Variants in UBE2K observed in about 807,000 individuals in gnomAD.
UBE2K encodes the protein ubiquitin-conjugating enzyme E2 K.
A neutral mutation model predicts 30.0 loss-of-function variants in UBE2K; 6 were observed. The ratio of observed to expected loss-of-function variants is 0.20; its 90% CI spans 0.11 to 0.39. UBE2K has a LOEUF of 0.39. UBE2K is among the 10% of genes least tolerant of loss of function. UBE2K has a pLI of 1.00. For synonymous variants in UBE2K, 86 were observed against 83.7 expected (o/e 1.03, Z -0.15); for missense variants, 61 against 241.6 (o/e 0.25, Z 4.96).
chr4:39,728,836 T>TG (rs760312366), intron 1 of UBE2K, among the ~76,000 whole-genome samples: 4 of 150,214 alleles, frequency 2.7e-5, no homozygotes, highest in African/African-American at 9.7e-5. Context: ...TGTTTTTTTT[T>TG]TTTTGTATTT....
chr4:39,770,044 C>T (rs182855315), intron 4 of UBE2K: 2 of 1,499,504 alleles, frequency 1.3e-6, no homozygotes, highest in Non-Finnish European at 8.9e-7. Flanking sequence ...CCACCTAGCC[C>T]AGGGACCCCA....
chr4:39,771,239 T>A, intron 4 of UBE2K: 2 of 1,612,126 alleles, frequency 1.2e-6, no homozygotes, highest in Non-Finnish European at 8.5e-7. Flanking sequence ...AGCTCCGAGC[T>A]GGGGTTAAGC....
At chr4:39,736,329 G>A (rs1720378446) in intron 1 of UBE2K, among the ~76,000 whole-genome samples, 1 of 152,190 alleles carries the variant, frequency 6.6e-6, no homozygotes. Context: ...GAGCATGGTA[G>A]TGGGTGCCTG....
At chr4:39,734,981 CT>C (rs1179375005) in intron 1 of UBE2K, among the ~76,000 whole-genome samples, 1 of 152,290 alleles carries the variant, frequency 6.6e-6, no homozygotes, top group Admixed American at 6.5e-5. Flanking sequence ...CTTTAGTATC[CT>C]ATCATCTTTG....
intron 1 of UBE2K, among the ~76,000 whole-genome samples, chr4:39,716,345 T>A (rs7656037): frequency 0.51 from 77,102 of 151,998 alleles, 20,383 homozygotes; most frequent in East Asian, 0.63. Context: ...CCTGTTGGGC[T>A]TAAGTGATCC....
chr4:39,757,006 T>TTTTG (rs1721555409), intron 4 of UBE2K, among the ~76,000 whole-genome samples: 5 of 115,628 alleles, frequency 4.3e-5, no homozygotes, highest in Admixed American at 1.0e-4. Context: ...GGGTGTTTTT[T>TTTTG]TTTTGTTTTT....
At chr4:39,731,088 C>T (rs1307974825) in intron 1 of UBE2K, among the ~76,000 whole-genome samples, 1 of 152,032 alleles carries the variant, frequency 6.6e-6, no homozygotes, top group Non-Finnish European at 1.5e-5. Context: ...CGGGTTCAAG[C>T]GATTCTCCTG....
At chr4:39,735,119 T>TAA (rs1275686815) in intron 1 of UBE2K, among the ~76,000 whole-genome samples, 1 of 152,258 alleles carries the variant, frequency 6.6e-6, no homozygotes, top group Non-Finnish European at 1.5e-5. Context: ...AAGTGTAAGT[T>TAA]AACACTGGCT....
At chr4:39,710,634 C>G (rs971000937) in intron 1 of UBE2K, among the ~76,000 whole-genome samples, 6 of 152,154 alleles carry the variant, frequency 3.9e-5, no homozygotes, top group African/African-American at 1.2e-4. Flanking sequence ...ACAGATCCAA[C>G]AGTTGCAGCT....
At chr4:39,750,029 T>C (rs1201260189) in intron 3 of UBE2K, among the ~76,000 whole-genome samples, 3 of 152,040 alleles carry the variant, frequency 2.0e-5, no homozygotes, top group Non-Finnish European at 2.9e-5. Context: ...TGAAACCCCA[T>C]CTCTACTAAA....
At chr4:39,765,694 C>T (rs1220914060) in intron 4 of UBE2K, among the ~76,000 whole-genome samples, 1 of 151,732 alleles carries the variant, frequency 6.6e-6, no homozygotes, top group Non-Finnish European at 1.5e-5. Context: ...TGGTAGCATG[C>T]GACTGTAGTC....
intron 3 of UBE2K, 77 bp from the exon 4 acceptor site, chr4:39,755,580 G>T (rs1721485096): frequency 1.8e-6 from 2 of 1,114,380 alleles, no homozygotes; most frequent in Admixed American, 4.4e-5. Flanking sequence ...TTAGTTTGAA[G>T]ATTTCATTTT....
chr4:39,729,454 G>A (rs530404565), intron 1 of UBE2K, among the ~76,000 whole-genome samples: 3 of 151,944 alleles, frequency 2.0e-5, no homozygotes, highest in African/African-American at 7.2e-5. Context: ...TTATTATACT[G>A]TCATCCACCC....
chr4:39,754,663 C>T (rs1330948156), intron 3 of UBE2K, among the ~76,000 whole-genome samples: 1 of 152,090 alleles, frequency 6.6e-6, no homozygotes. Context: ...TGTGTGCCAC[C>T]ATGCCCAGCT....
At chr4:39,711,891 A>G (rs984829919) in intron 1 of UBE2K, among the ~76,000 whole-genome samples, 1 of 151,694 alleles carries the variant, frequency 6.6e-6, no homozygotes, top group African/African-American at 2.4e-5. Flanking sequence ...AATACAAAAA[A>G]TTAGCCAGGC....
chr4:39,757,348 A>G (rs1353446146), intron 4 of UBE2K, among the ~76,000 whole-genome samples: 1 of 151,988 alleles, frequency 6.6e-6, no homozygotes, highest in Non-Finnish European at 1.5e-5. Flanking sequence ...TTGATTTGTT[A>G]AGAAAGGGGA....
At chr4:39,759,529 T>C (rs7674430) in intron 4 of UBE2K, among the ~76,000 whole-genome samples, 126,067 of 152,204 alleles carry the variant, frequency 0.83, 52,694 homozygotes, top group African/African-American at 0.94. Flanking sequence ...GGTGATCCAC[T>C]GGCCTCGGCC....
chr4:39,770,440 C>G, intron 4 of UBE2K: 1 of 1,612,064 alleles, frequency 6.2e-7, no homozygotes, highest in Non-Finnish European at 8.5e-7. Context: ...CCCTGGAACA[C>G]TTCCGGGCAC....
intron 3 of UBE2K, among the ~76,000 whole-genome samples, chr4:39,749,775 A>C (rs1348360668): frequency 6.6e-6 from 1 of 152,198 alleles, no homozygotes; most frequent in Admixed American, 6.5e-5. Flanking sequence ...TACCAATGCT[A>C]ATAATCTTTA....
Sources: gnomAD v4.1 joint callset for allele counts (sites outside exome capture counted in the v4.1 genomes callset) on GRCh38, gnomAD v4.1.1 for gene constraint, MANE v1.5 for transcripts, NCBI Gene and HGNC (gene_info 2026-07-23, HGNC 2026-07-21) for gene names.